Variants in ANK3 observed in about 807,000 individuals in gnomAD.
The protein encoded by ANK3 is ankyrin 3.
In ANK3, 57 loss-of-function variants were observed where a neutral mutation model predicts 370.9. The observed-to-expected ratio is 0.15, with a 90% CI of 0.12 to 0.19. The LOEUF is 0.19. ANK3 is among the 10% of genes least tolerant of loss of function. The pLI, the probability that ANK3 is intolerant of heterozygous loss-of-function variation, is 1.00. For synonymous variants in ANK3, 1,929 were observed against 1,946.3 expected (o/e 0.99, Z 0.23); for missense variants, 4,439 against 5,302.1 (o/e 0.84, Z 5.06).
intron 2 of ANK3, among the ~76,000 whole-genome samples, chr10:60,583,493 C>T (rs1214332732): frequency 1.3e-5 from 2 of 148,690 alleles, no homozygotes; most frequent in African/African-American, 2.5e-5. Context: ...TTCCATATAG[C>T]TTACAGAGAG....
At chr10:60,055,480 T>A (rs1238459833) in intron 42 of ANK3, among the ~76,000 whole-genome samples, 178 bp downstream of exon 42, 1 of 152,172 alleles carries the variant, frequency 6.6e-6, no homozygotes, top group Non-Finnish European at 1.5e-5. Flanking sequence ...CTTTTTTTTT[T>A]ACCTATGTGT....
chr10:60,254,312 T>C (rs1292629257), intron 7 of ANK3, among the ~76,000 whole-genome samples: 1 of 152,048 alleles, frequency 6.6e-6, no homozygotes. Context: ...TGGAGAGCCG[T>C]TAGTATTTTA....
intron 1 of ANK3, among the ~76,000 whole-genome samples, chr10:60,365,713 A>G (rs1311695646): frequency 1.3e-5 from 2 of 152,212 alleles, no homozygotes; most frequent in East Asian, 3.8e-4. Context: ...TCCCCTTGAG[A>G]GACGGATTAT....
intron 7 of ANK3, among the ~76,000 whole-genome samples, chr10:60,250,415 A>G (rs2097636565): frequency 6.6e-6 from 1 of 152,096 alleles, no homozygotes; most frequent in Non-Finnish European, 1.5e-5. Flanking sequence ...CCCAGGCTGG[A>G]GTGCAGTGGC....
At chr10:60,435,297 CA>C (rs2064129222) in intron 2 of ANK3, among the ~76,000 whole-genome samples, 1 of 152,158 alleles carries the variant, frequency 6.6e-6, no homozygotes, top group Admixed American at 6.6e-5. Context: ...TGATATTTTA[CA>C]TTGGAAATAA....
intron 7 of ANK3, among the ~76,000 whole-genome samples, chr10:60,248,607 A>T (rs1025161981): frequency 6.6e-5 from 10 of 152,182 alleles, no homozygotes; most frequent in Admixed American, 6.5e-5. Flanking sequence ...AATGGAAGAA[A>T]ATTACCAGTT....
intron 8 of ANK3, among the ~76,000 whole-genome samples, chr10:60,217,600 T>C (rs1397513323): frequency 6.6e-6 from 1 of 152,228 alleles, no homozygotes; most frequent in Non-Finnish European, 1.5e-5. Context: ...TGAGTTCTAA[T>C]TTGATTGCAC....
intron 2 of ANK3, among the ~76,000 whole-genome samples, chr10:60,505,822 A>G (rs2075924430): frequency 6.6e-6 from 1 of 152,140 alleles, no homozygotes; most frequent in African/African-American, 2.4e-5. Flanking sequence ...TGATTTTACA[A>G]AACCTCCAAA....
At chr10:60,081,236 C>G (rs2085149088) in intron 35 of ANK3, among the ~76,000 whole-genome samples, 1 of 152,146 alleles carries the variant, frequency 6.6e-6, no homozygotes, top group Non-Finnish European at 1.5e-5. Context: ...AGGCATGCAG[C>G]ACCACGTCCA....
At chr10:60,299,733 A>T (rs1450664753) in intron 1 of ANK3, among the ~76,000 whole-genome samples, 1 of 152,184 alleles carries the variant, frequency 6.6e-6, no homozygotes, top group African/African-American at 2.4e-5. Flanking sequence ...TACTATGCCA[A>T]TTCTTTAAAA....
intron 2 of ANK3, among the ~76,000 whole-genome samples, chr10:60,422,905 A>G (rs1195620199): frequency 1.3e-5 from 2 of 152,100 alleles, no homozygotes; most frequent in Non-Finnish European, 2.9e-5. Flanking sequence ...AACAGAGTAC[A>G]TGTTACCAAA....
intron 1 of ANK3, among the ~76,000 whole-genome samples, chr10:60,626,323 T>C (rs2078409670): frequency 6.6e-6 from 1 of 152,200 alleles, no homozygotes; most frequent in African/African-American, 2.4e-5. Flanking sequence ...TATTTGCTTC[T>C]TTATTAATGC....
chr10:60,687,423 G>C (rs899086070), intron 1 of ANK3, among the ~76,000 whole-genome samples: 4 of 152,102 alleles, frequency 2.6e-5, no homozygotes, highest in African/African-American at 9.7e-5. Flanking sequence ...AAGACACACA[G>C]ATGGTCAACA....
chr10:60,615,387 G>A (rs1457812262), intron 1 of ANK3, among the ~76,000 whole-genome samples: 2 of 145,770 alleles, frequency 1.4e-5, no homozygotes, highest in Non-Finnish European at 3.0e-5. Context: ...ATGAATTCTA[G>A]TTTAAAAAAA....
chr10:60,310,564 C>T (rs1003458826), intron 1 of ANK3, among the ~76,000 whole-genome samples: 13 of 152,082 alleles, frequency 8.5e-5, no homozygotes, highest in Admixed American at 7.2e-4. Context: ...ACTAAAAATG[C>T]ATGTATTAAC....
intron 2 of ANK3, among the ~76,000 whole-genome samples, chr10:60,475,236 C>T (rs1464529483): frequency 6.6e-6 from 1 of 152,038 alleles, no homozygotes; most frequent in Non-Finnish European, 1.5e-5. Flanking sequence ...ATGGATCATA[C>T]CGATAGCCAT....
intron 13 of ANK3, 55 bp downstream of exon 13, chr10:60,200,074 T>C (rs2096649493): frequency 2.1e-6 from 3 of 1,437,454 alleles, no homozygotes; most frequent in Non-Finnish European, 2.9e-6. Context: ...AAAAGTTTTA[T>C]GAAAATCCAA....
chr10:60,317,886 T>G (rs1192127188), intron 1 of ANK3, among the ~76,000 whole-genome samples: 1 of 152,024 alleles, frequency 6.6e-6, no homozygotes, highest in Non-Finnish European at 1.5e-5. Flanking sequence ...GCTAATTTTT[T>G]TTGTATTTTT....
intron 1 of ANK3, among the ~76,000 whole-genome samples, chr10:60,691,236 C>A (rs1428571521): frequency 6.6e-6 from 1 of 152,022 alleles, no homozygotes; most frequent in East Asian, 1.9e-4. Flanking sequence ...TCATTCATAC[C>A]CCAAACCCCA....
Sources: allele counts gnomAD v4.1 joint callset (sites outside exome capture counted in the v4.1 genomes callset), GRCh38; gene constraint gnomAD v4.1.1; transcripts MANE v1.5; gene names NCBI Gene and HGNC (gene_info 2026-07-23, HGNC 2026-07-21).